TRMT61B: variants seen among roughly 807,000 people sequenced by gnomAD.
TRMT61B encodes tRNA methyltransferase 61B.
A neutral mutation model predicts 52.0 loss-of-function variants in TRMT61B; 56 were observed. That is an observed-to-expected ratio of 1.08 (90% CI 0.87 to 1.35). The LOEUF (loss-of-function observed/expected upper bound fraction) is 1.35, where lower values mean the gene tolerates loss of function less well. Among genes scored for constraint, TRMT61B ranks in the 40% most tolerant of loss-of-function variants. TRMT61B has a pLI of 0.00. For missense variants in TRMT61B, 650 were observed against 577.9 expected (o/e 1.12, Z -1.28); for synonymous variants, 206 against 220.0 (o/e 0.94, Z 0.56).
chr2:28,857,723 C>G (rs1669407564), intron 3 of TRMT61B, among the ~76,000 whole-genome samples: 1 of 152,218 alleles, frequency 6.6e-6, no homozygotes, highest in Non-Finnish European at 1.5e-5. Flanking sequence ...GTGGACCAAT[C>G]TGAATGGACC....
chr2:28,862,864 T>TTGTGTGTGTGTG (rs34139201), intron 2 of TRMT61B, among the ~76,000 whole-genome samples: 3 of 143,934 alleles, frequency 2.1e-5, no homozygotes, highest in Non-Finnish European at 3.0e-5. Flanking sequence ...GTATTTGTAT[T>TTGTGTGTGTGTG]TGTGTGTGTG....
At chr2:28,856,847 G>A (rs1669365690) in intron 3 of TRMT61B, among the ~76,000 whole-genome samples, 2 of 152,050 alleles carry the variant, frequency 1.3e-5, no homozygotes, top group Admixed American at 6.5e-5. Context: ...ATGTTGGCCA[G>A]GCTGGTCTCG....
intron 4 of TRMT61B, among the ~76,000 whole-genome samples, chr2:28,851,613 G>C (rs116672107): frequency 0.026 from 4,022 of 152,106 alleles, 160 homozygotes; most frequent in African/African-American, 0.083. Context: ...TTGGGCGTGG[G>C]TCACGCCTGT....
chr2:28,858,090 G>C (rs1463985512), intron 3 of TRMT61B, among the ~76,000 whole-genome samples: 1 of 150,200 alleles, frequency 6.7e-6, no homozygotes, highest in African/African-American at 2.5e-5. Flanking sequence ...GCCCAGGCTG[G>C]AGTGCAGTGG....
chr2:28,851,133 T>C lies in TRMT61B; in HGVS notation c.1251A>G (p.Val417=). 6.2e-7 allele frequency: 1 copy of C among 1,613,178 alleles called. No homozygotes were observed. The highest frequency in any genetic ancestry group is 8.5e-7 in the Non-Finnish European group (1 of 1,179,792). ...CAATTTTCTCTTGAGAATCTAGTTG[T>C]ACATCTGTGTTGATTTTAGATTCTA... ...QKVESKINTD[V]QLDSQEKIGV... is the part of the protein sequence containing the mutation. Residue 417 remains valine (V), a synonymous_variant, in exon 5 of 7, where the codon GTA becomes GTG. Coordinates refer to ENST00000306108, the MANE Select transcript of TRMT61B (RefSeq NM_017910.4).
At chr2:28,850,978 T>C (rs926710560) in intron 5 of TRMT61B, 94 bp downstream of exon 5, 7 of 762,558 alleles carry the variant, frequency 9.2e-6, no homozygotes, top group Non-Finnish European at 1.2e-5. Context: ...CTATAGAAAA[T>C]TGCTGAGGAA....
intron 2 of TRMT61B, among the ~76,000 whole-genome samples, chr2:28,862,864 T>TTGTGTGTGTGTGTGTGTGTGTG (rs34139201): frequency 6.9e-6 from 1 of 143,934 alleles, no homozygotes; most frequent in Non-Finnish European, 1.5e-5. Context: ...GTATTTGTAT[T>TTGTGTGTGTGTGTGTGTGTGTG]TGTGTGTGTG....
chr2:28,868,397 G>C (rs888120033), intron 1 of TRMT61B, among the ~76,000 whole-genome samples: 1 of 152,082 alleles, frequency 6.6e-6, no homozygotes, highest in Non-Finnish European at 1.5e-5. Context: ...CATACCCCAG[G>C]TCACCCAAAA....
intron 3 of TRMT61B, among the ~76,000 whole-genome samples, chr2:28,852,966 A>G (rs1250803614): frequency 6.6e-6 from 1 of 152,128 alleles, no homozygotes; most frequent in Non-Finnish European, 1.5e-5. Context: ...CAGGGAAGAA[A>G]AAACAATTTG....
At chr2:28,865,598 C>T (rs1381395658) in intron 1 of TRMT61B, among the ~76,000 whole-genome samples, 2 of 150,828 alleles carry the variant, frequency 1.3e-5, no homozygotes, top group East Asian at 1.9e-4. Context: ...ACAGGATCTA[C>T]TGGAGAAAAA....
chr2:28,856,218 C>G (rs1669333460), intron 3 of TRMT61B, among the ~76,000 whole-genome samples: 1 of 152,170 alleles, frequency 6.6e-6, no homozygotes. Context: ...AAGAAGCCAT[C>G]ATTTTCTTTA....
chr2:28,852,044 G>A (rs1335027501), intron 4 of TRMT61B, among the ~76,000 whole-genome samples: 1 of 151,706 alleles, frequency 6.6e-6, no homozygotes, highest in African/African-American at 2.4e-5. Context: ...TGGGCGTGGT[G>A]GCTCAAGCCT....
intron 6 of TRMT61B, 40 bp from the exon 7 acceptor site, chr2:28,850,282 T>C (rs1393696459): frequency 1.2e-6 from 2 of 1,602,916 alleles, no homozygotes; most frequent in South Asian, 2.2e-5. Context: ...ATTATATTAA[T>C]TAAAAGAAAA....
At chr2:28,865,595 C>A (rs758301711) in intron 1 of TRMT61B, among the ~76,000 whole-genome samples, 3 of 150,592 alleles carry the variant, frequency 2.0e-5, no homozygotes, top group Non-Finnish European at 2.9e-5. Flanking sequence ...AATACAGGAT[C>A]TACTGGAGAA....
At chr2:28,856,882 G>A (rs1017588524) in intron 3 of TRMT61B, among the ~76,000 whole-genome samples, 4 of 151,702 alleles carry the variant, frequency 2.6e-5, no homozygotes, top group Admixed American at 6.6e-5. Flanking sequence ...TGATCCGCCC[G>A]CCTTGGCCTC....
In TRMT61B at chr2:28,870,039, C is replaced by G. The variant is rs1409176168; in HGVS notation, c.239G>C (p.Gly80Ala). The G allele has an allele frequency of 6.2e-7, 1 of 1,613,758 alleles. No homozygotes were observed. Among genetic ancestry groups the G allele is most frequent in the African/African-American group, 1.3e-5 (1 of 75,054 alleles). ...GAGGTTTTCCAGTGACGAAAGACAT[C>G]CAGTCCCAATGTCCGAGATGCTCAG... Reference protein sequence around the residue: ...LPLSISDIGTGCLSSLENLRL... With the variant: ...LPLSISDIGTACLSSLENLRL... Residue 80 changes from glycine (G) to alanine (A), a missense_variant, in exon 1 of 7, where the codon GGA (glycine) becomes GCA (alanine). By Grantham distance (60) the Gly-to-Ala change is moderately conservative (BLOSUM62 0). Transcript: ENST00000306108.
At chr2:28,858,584 C>A (rs1669448733) in intron 3 of TRMT61B, among the ~76,000 whole-genome samples, 3 of 151,206 alleles carry the variant, frequency 2.0e-5, no homozygotes, top group Admixed American at 2.0e-4. Flanking sequence ...CGCTTGAGCC[C>A]TGGAGTTCGA....
At chr2:28,850,483 T>C in intron 5 of TRMT61B, 78 bp from the exon 6 acceptor site, 1 of 938,716 alleles carries the variant, frequency 1.1e-6, no homozygotes, top group Non-Finnish European at 1.6e-6. Flanking sequence ...AAAATATGAG[T>C]TACTCTCTTT....
At chr2:28,856,627 C>T (rs1383032402) in intron 3 of TRMT61B, among the ~76,000 whole-genome samples, 1 of 151,702 alleles carries the variant, frequency 6.6e-6, no homozygotes, top group African/African-American at 2.4e-5. Context: ...TTCATTTTAT[C>T]TTATTTAATT....
Sources: gnomAD v4.1 joint callset for allele counts (sites outside exome capture counted in the v4.1 genomes callset) on GRCh38, gnomAD v4.1.1 for gene constraint, MANE v1.5 for transcripts, NCBI Gene and HGNC (gene_info 2026-07-23, HGNC 2026-07-21) for gene names.